The following LRP2 variants were observed in gnomAD, a reference collection of about 807,000 sequenced individuals.
The protein encoded by LRP2 is low-density lipoprotein receptor-related protein 2.
A neutral mutation model predicts 531.0 loss-of-function variants in LRP2; 172 were observed. The observed-to-expected ratio is 0.32, with a 90% confidence interval of 0.29 to 0.37. The LOEUF is 0.37. Among genes scored for constraint, LRP2 ranks in the 10% least tolerant of loss-of-function variants. The pLI, the probability that LRP2 is intolerant of heterozygous loss-of-function variation, is 1.00. For synonymous variants in LRP2, 1,992 were observed against 2,027.6 expected (o/e 0.98, Z 0.47); for missense variants, 5,167 against 5,868.3 (o/e 0.88, Z 3.90).
chr2:169,232,429 C>T (rs1055137639), intron 30 of LRP2, among the ~76,000 whole-genome samples: 3 of 152,092 alleles, frequency 2.0e-5, no homozygotes, highest in African/African-American at 7.2e-5. Flanking sequence ...GATTATTAAT[C>T]CATTCATTCA....
At position 169,184,520 on chromosome 2, in the gene LRP2, A is replaced by T. The variant is rs532726421; in HGVS notation, c.9845+983T>A. Among the ~76,000 whole-genome samples, 3 of 152,364 alleles carry T rather than the reference A, an allele frequency of 2.0e-5. No homozygotes were observed. The South Asian group carries it at 6.2e-4, about 32-fold the overall frequency. Reference sequence around the variant, plus strand: ...ACATCTTTACAGTGCCTGCAGATTGATGTCTATTGACCACAAAGCCAATTA... The same window carrying T: ...ACATCTTTACAGTGCCTGCAGATTGTTGTCTATTGACCACAAAGCCAATTA... On this transcript the variant is annotated intron_variant, in intron 50 of 78. Coordinates refer to ENST00000649046, the MANE Select transcript of LRP2 (RefSeq NM_004525.3).
At chr2:169,211,270 C>G (rs1688582717) in intron 37 of LRP2, among the ~76,000 whole-genome samples, 1 of 152,132 alleles carries the variant, frequency 6.6e-6, no homozygotes, top group Non-Finnish European at 1.5e-5. Flanking sequence ...CCCTCTATTT[C>G]TCTCTTTAGC....
intron 17 of LRP2, among the ~76,000 whole-genome samples, chr2:169,258,492 C>G (rs973841089): frequency 3.3e-5 from 5 of 152,030 alleles, no homozygotes; most frequent in Non-Finnish European, 7.4e-5. Context: ...AGCTGTTAAA[C>G]ATATTTAAAT....
intron 61 of LRP2, among the ~76,000 whole-genome samples, chr2:169,166,269 C>G (rs376531596): frequency 6.6e-6 from 1 of 152,202 alleles, no homozygotes; most frequent in Non-Finnish European, 1.5e-5. Context: ...AGACACAGTC[C>G]TTGTCCTCAT....
chr2:169,361,980 C>A (rs1686178954), intron 1 of LRP2, among the ~76,000 whole-genome samples: 1 of 152,214 alleles, frequency 6.6e-6, no homozygotes, highest in Admixed American at 6.5e-5. Context: ...GGAGGGCAGG[C>A]TGCAAACGGC....
intron 6 of LRP2, among the ~76,000 whole-genome samples, chr2:169,292,588 C>T (rs530277472): frequency 6.6e-6 from 1 of 151,972 alleles, no homozygotes; most frequent in Non-Finnish European, 1.5e-5. Flanking sequence ...AACTCAGGTG[C>T]CGGTTTCTGT....
At chr2:169,196,189 A>G (rs926932643) in intron 46 of LRP2, among the ~76,000 whole-genome samples, 1 of 152,242 alleles carries the variant, frequency 6.6e-6, no homozygotes, top group Non-Finnish European at 1.5e-5. Flanking sequence ...GAGGGACAGC[A>G]GCCATATGTG....
chr2:169,258,434 C>T (rs1006839672), intron 17 of LRP2, among the ~76,000 whole-genome samples: 4 of 152,062 alleles, frequency 2.6e-5, no homozygotes, highest in African/African-American at 9.7e-5. Flanking sequence ...TTTTATCATT[C>T]CACTCATATA....
At chr2:169,290,412 T>C (rs914510170) in intron 8 of LRP2, among the ~76,000 whole-genome samples, 44 of 151,862 alleles carry the variant, frequency 2.9e-4, no homozygotes, top group African/African-American at 1.0e-3. Flanking sequence ...GCGTTAGGGA[T>C]TAGGAACGGG....
At position 169,282,880 on chromosome 2, in the gene LRP2, A is replaced by G; in HGVS notation, c.1164T>C (p.Asn388=). 5 of 1,614,040 alleles carry G rather than the reference A, an allele frequency of 3.1e-6. No individual in the cohort carries two copies. Among genetic ancestry groups the G allele is most frequent in the Non-Finnish European group, 4.2e-6 (5 of 1,179,902 alleles). ...TGTCCATAATTTACTCACAGGAATC[A>G]TTAGCTTTGCAATACTGTCCACGCT... The part of the protein sequence containing the change: ...ILERGQYCKA[N]DSFGEASIIF... The change falls in exon 10 of 79, where the codon AAT becomes AAC. Residue 388 remains asparagine (N), a synonymous_variant. Coordinates refer to ENST00000649046, the MANE Select transcript of LRP2 (RefSeq NM_004525.3).
chr2:169,362,472 G>A lies in LRP2; in HGVS notation c.-73C>T. On this transcript the variant is annotated 5_prime_UTR_variant, in exon 1 of 79. Transcript: ENST00000649046. Reference sequence around the variant, plus strand: ...GCGCGTAGCACACCGCACCGGCAGCGCCTCTGCTAGCGAACGCTCCTTTAG... The same window carrying A: ...GCGCGTAGCACACCGCACCGGCAGCACCTCTGCTAGCGAACGCTCCTTTAG... The A allele has an allele frequency of 7.6e-7, 1 of 1,309,510 alleles. No individual in the cohort carries two copies. Among genetic ancestry groups the A allele is most frequent in the Admixed American group, 2.0e-5 (1 of 50,630 alleles). 81.1% of individuals were successfully genotyped at this position (1,309,510 alleles called of 1,614,324 possible). A position where few individuals can be genotyped will look rare whatever the true frequency, so the allele number is the denominator to read the frequency against.
chr2:169,308,692 T>A (rs1458874699), intron 3 of LRP2, among the ~76,000 whole-genome samples: 1 of 152,202 alleles, frequency 6.6e-6, no homozygotes, highest in African/African-American at 2.4e-5. Context: ...TATGTGTGCA[T>A]GTGTCTTTAT....
chr2:169,150,941 C>A lies in LRP2; in HGVS notation c.12547G>T (p.Asp4183Tyr). 1 of 1,614,104 alleles carries A rather than the reference C, an allele frequency of 6.2e-7. No individual in the cohort carries two copies. Among genetic ancestry groups the A allele is most frequent in the Non-Finnish European group, 8.5e-7 (1 of 1,179,978 alleles). The change falls in exon 68 of 79, where the codon GAC becomes TAC. Residue 4183 changes from aspartate (D) to tyrosine (Y), a missense_variant. Physicochemically the swap from Asp to Tyr is radical, Grantham distance 160. Around this residue, in one of 6 missense-constraint regions of LRP2, gnomAD observed 564 missense variants for 747.7 expected, o/e 0.75. Transcript: ENST00000649046. The part of the protein sequence containing the change: ...GRYRKWLIST[D>Y]LDQPAAIAVN... ...GCAATAGCAGCTGGTTGGTCCAGGT[C>A]AGTGGAAATCAGCCACTTTCTGTAC...
chr2:169,169,318 T>A (rs1334039921), intron 60 of LRP2, among the ~76,000 whole-genome samples: 1 of 152,180 alleles, frequency 6.6e-6, no homozygotes, highest in East Asian at 1.9e-4. Flanking sequence ...CTGAGAAAAA[T>A]TTTAATGCTA....
In LRP2 at chr2:169,279,536, T is replaced by G. The variant is rs776298973; in HGVS notation, c.1401A>C (p.Glu467Asp). The G allele has an allele frequency of 5.6e-6, 9 of 1,613,964 alleles. No individual in the cohort carries two copies. Among genetic ancestry groups the G allele is most frequent in the African/African-American group, 1.3e-5 (1 of 74,926 alleles). The change falls in exon 12 of 79, where the codon GAA (glutamate) becomes GAC (aspartate). Residue 467 changes from glutamate to aspartate, a missense_variant. Around this residue, in one of 6 missense-constraint regions of LRP2, gnomAD observed 2,811 missense variants for 3,058.0 expected, o/e 0.92. Transcript: ENST00000649046. ...NIQEVLNVSV[E>D]TPENLAVDWV... The stretch of plus-strand genomic sequence containing the variant: ...AGTCCACAGCCAGGTTCTCTGGGGT[T>G]TCAACAGAAACATTGAGAACCTCTT...
At position 169,187,881 on chromosome 2, in the gene LRP2, G is replaced by C; in HGVS notation, c.9328+89C>G. Reference sequence around the variant, plus strand: ...TTTTATGGTAACTTTGTAGTTAGAGGACAGGTTGGAAAGTCTAAGTCGTGA... The same window carrying C: ...TTTTATGGTAACTTTGTAGTTAGAGCACAGGTTGGAAAGTCTAAGTCGTGA... On this transcript the variant is annotated intron_variant, in intron 49 of 78. Transcript: ENST00000649046. The C allele has an allele frequency of 2.2e-6, 3 of 1,348,094 alleles. 1 individual carries two copies. The highest frequency in any genetic ancestry group is 1.2e-5 in the South Asian group (1 of 84,882). 83.5% of individuals were successfully genotyped at this position (1,348,094 alleles called of 1,614,324 possible).
chr2:169,268,480 C>G (rs1683299005), intron 16 of LRP2, among the ~76,000 whole-genome samples: 1 of 152,140 alleles, frequency 6.6e-6, no homozygotes, highest in Admixed American at 6.6e-5. Context: ...CGTAATCCAG[C>G]ATATAAACAG....
intron 50 of LRP2, chr2:169,182,668 C>T: frequency 2.0e-6 from 2 of 984,590 alleles, no homozygotes; most frequent in South Asian, 4.7e-5. Flanking sequence ...AGGTGAGTAT[C>T]ATGAATTACA....
intron 60 of LRP2, among the ~76,000 whole-genome samples, chr2:169,169,450 T>C (rs1686911131): frequency 6.6e-6 from 1 of 152,246 alleles, no homozygotes; most frequent in Non-Finnish European, 1.5e-5. Context: ...GCTGATAATA[T>C]ATAAATACTT....
Sources: allele counts gnomAD v4.1 joint callset (sites outside exome capture counted in the v4.1 genomes callset), GRCh38; gene constraint gnomAD v4.1.1; regional missense constraint gnomAD v4.1.1; transcripts MANE v1.5; gene names NCBI Gene and HGNC (gene_info 2026-07-23, HGNC 2026-07-21).